NCK2: variants seen among roughly 807,000 people sequenced by gnomAD.
NCK2 encodes the protein cytoplasmic protein NCK2.
NCK2 carries 16 observed loss-of-function variants against 33.9 expected under a neutral mutation model. The observed-to-expected ratio is 0.47, with a 90% CI of 0.32 to 0.72. The LOEUF (loss-of-function observed/expected upper bound fraction) is 0.72, where lower values mean the gene tolerates loss of function less well. NCK2 is among the 30% of genes least tolerant of loss of function. NCK2 has a pLI of 0.03. For missense variants in NCK2, 418 were observed against 537.3 expected (o/e 0.78, Z 2.19); for synonymous variants, 273 against 239.9 (o/e 1.14, Z -1.27).
At chr2:105,869,707 T>C (rs1677918849) in intron 3 of NCK2, among the ~76,000 whole-genome samples, 1 of 152,206 alleles carries the variant, frequency 6.6e-6, no homozygotes, top group Non-Finnish European at 1.5e-5. Flanking sequence ...CAGAATGCCG[T>C]GTCTCATCCT....
In NCK2 at chr2:105,835,423, A is replaced by ATAT. The variant is rs59154186; in HGVS notation, c.-17+18811_-17+18812insATT. On this transcript the variant is annotated intron_variant, in intron 2 of 4. Transcript: ENST00000233154. ...TATATATACGTGTATATATATATAT[A>ATAT]TTTTTTTTTTGGTCAGCATTTTGAA... Among the ~76,000 whole-genome samples the ATAT allele has an allele frequency of 7.2e-4, 73 of 102,094 alleles. 3 individuals carry two copies. The South Asian group carries it at 0.013, about 18-fold the overall frequency. The allele number at this position is 102,094 out of a possible 152,430, so 67.0% of individuals were successfully genotyped here.
chr2:105,830,689 G>GTGTGTGTGTGTGTGTGTGTA (rs1558859291), intron 2 of NCK2, among the ~76,000 whole-genome samples: 43 of 146,744 alleles, frequency 2.9e-4, no homozygotes, highest in South Asian at 8.6e-4. Context: ...GTGTGTGTGT[G>GTGTGTGTGTGTGTGTGTGTA]TGTGTGTGTG....
chr2:105,887,432 T>G (rs1338328542), intron 4 of NCK2, among the ~76,000 whole-genome samples: 1 of 152,026 alleles, frequency 6.6e-6, no homozygotes, highest in East Asian at 1.9e-4. Flanking sequence ...TGTAGATTAT[T>G]GATGCTTGGA....
chr2:105,891,002 G>A (rs999765018), intron 4 of NCK2, among the ~76,000 whole-genome samples: 3 of 152,210 alleles, frequency 2.0e-5, no homozygotes, highest in Admixed American at 6.5e-5. Context: ...GAAGAATTTC[G>A]GATGTTAGGC....
chr2:105,787,835 T>G (rs1690733816), intron 1 of NCK2, among the ~76,000 whole-genome samples: 1 of 152,252 alleles, frequency 6.6e-6, no homozygotes, highest in Admixed American at 6.5e-5. Context: ...CTTGTTTTGC[T>G]TTAATTTTGG....
chr2:105,857,003 T>G (rs1441050560), intron 3 of NCK2: 2 of 151,758 alleles, frequency 1.3e-5, no homozygotes, highest in Non-Finnish European at 2.9e-5. Flanking sequence ...CCAAACATTG[T>G]TACGTTGTTG....
At chr2:105,816,847 G>A (rs946420417) in intron 2 of NCK2, among the ~76,000 whole-genome samples, 2 of 152,164 alleles carry the variant, frequency 1.3e-5, no homozygotes, top group African/African-American at 4.8e-5. Context: ...CAACCTGTAA[G>A]ATGGTACAGG....
chr2:105,844,747 G>GGATAT (rs368706967), intron 2 of NCK2, among the ~76,000 whole-genome samples: 2 of 133,612 alleles, frequency 1.5e-5, no homozygotes, highest in Admixed American at 7.6e-5. Flanking sequence ...GGCGGGGGGG[G>GGATAT]ATATATATAT....
intron 1 of NCK2, among the ~76,000 whole-genome samples, chr2:105,805,447 G>A (rs1451942566): frequency 4.6e-5 from 7 of 151,882 alleles, no homozygotes; most frequent in Non-Finnish European, 1.0e-4. Context: ...CTATTTAATT[G>A]GAATAATAAT....
At chr2:105,808,022 C>G (rs966683520) in intron 1 of NCK2, among the ~76,000 whole-genome samples, 1 of 152,018 alleles carries the variant, frequency 6.6e-6, no homozygotes, top group Admixed American at 6.5e-5. Flanking sequence ...CCTGCCTTAG[C>G]CTCTTGAGTA....
intron 4 of NCK2, among the ~76,000 whole-genome samples, chr2:105,886,585 G>A (rs1678730167): frequency 6.6e-6 from 1 of 152,180 alleles, no homozygotes; most frequent in African/African-American, 2.4e-5. Context: ...GAACCACTAC[G>A]TTGTGGAGTA....
chr2:105,851,401 C>G (rs905539565), intron 2 of NCK2, among the ~76,000 whole-genome samples: 2 of 152,238 alleles, frequency 1.3e-5, no homozygotes, highest in Admixed American at 1.3e-4. Context: ...GTAGCTGGGA[C>G]TACAGGAGCG....
At chr2:105,759,170 G>A (rs370226892) in intron 1 of NCK2, among the ~76,000 whole-genome samples, 2 of 152,186 alleles carry the variant, frequency 1.3e-5, no homozygotes, top group South Asian at 4.1e-4. Flanking sequence ...CCTTCAGAAG[G>A]AGAGAATTTC....
intron 1 of NCK2, among the ~76,000 whole-genome samples, chr2:105,798,091 A>G (rs1408897394): frequency 6.6e-6 from 1 of 152,226 alleles, no homozygotes; most frequent in East Asian, 1.9e-4. Flanking sequence ...CCCTACTTCC[A>G]GAAGATGTGT....
intron 2 of NCK2, among the ~76,000 whole-genome samples, chr2:105,826,044 G>C (rs530752377): frequency 6.6e-6 from 1 of 152,296 alleles, no homozygotes; most frequent in African/African-American, 2.4e-5. Context: ...GTATTAGTCT[G>C]TTTTCCTACT....
chr2:105,746,613 G>C (rs1689296743), intron 1 of NCK2, among the ~76,000 whole-genome samples: 1 of 152,224 alleles, frequency 6.6e-6, no homozygotes, highest in African/African-American at 2.4e-5. Context: ...TACGTAAAGA[G>C]AATGGCAGTC....
intron 2 of NCK2, among the ~76,000 whole-genome samples, chr2:105,825,246 A>G (rs1012970936): frequency 3.9e-5 from 6 of 152,130 alleles, no homozygotes; most frequent in Admixed American, 1.3e-4. Flanking sequence ...GGACCTGGGC[A>G]TCTGTGCTGT....
At chr2:105,813,685 A>T (rs1029597065) in intron 1 of NCK2, among the ~76,000 whole-genome samples, 2 of 152,154 alleles carry the variant, frequency 1.3e-5, no homozygotes, top group African/African-American at 4.8e-5. Context: ...TGCTCAGCAC[A>T]CTCGCCCAAC....
rs766993432 is a variant in NCK2 at position 105,881,693 on chromosome 2, C to T, written c.592C>T (p.His198Tyr). The change falls in exon 4 of 5, where the codon CAT becomes TAT. Residue 198 changes from histidine (H) to tyrosine (Y), a missense_variant. Physicochemically the swap from His to Tyr is moderately conservative, Grantham distance 83. Transcript: ENST00000233154. ...LSNGQGSRVL[H>Y]VVQTLYPFSS... ...CAATGGCCAGGGCTCCCGCGTGCTG[C>T]ATGTGGTCCAGACGCTGTACCCCTT... 16 of 1,614,068 alleles carry T rather than the reference C, an allele frequency of 9.9e-6. No individual in the cohort carries two copies. Among genetic ancestry groups the T allele is most frequent in the Non-Finnish European group, 1.3e-5 (15 of 1,179,948 alleles).
Sources: gnomAD v4.1 joint callset for allele counts (sites outside exome capture counted in the v4.1 genomes callset) on GRCh38, gnomAD v4.1.1 for gene constraint, MANE v1.5 for transcripts, NCBI Gene and HGNC (gene_info 2026-07-23, HGNC 2026-07-21) for gene names.